SORCS2: variants seen among roughly 807,000 people sequenced by gnomAD.
SORCS2 encodes VPS10 domain-containing receptor SorCS2.
SORCS2 carries 100 observed loss-of-function variants against 141.6 expected under a neutral mutation model. The ratio of observed to expected loss-of-function variants is 0.71; its 90% CI spans 0.60 to 0.83. The LOEUF (loss-of-function observed/expected upper bound fraction) is 0.83. Ranked by LOEUF, SORCS2 falls within the 40% of genes least tolerant of loss-of-function variation. SORCS2 has a pLI of 0.00. For missense variants in SORCS2, 1,646 were observed against 1,560.2 expected (o/e 1.05, Z -0.93); for synonymous variants, 789 against 676.9 (o/e 1.17, Z -2.57).
intron 2 of SORCS2, among the ~76,000 whole-genome samples, chr4:7,528,116 CGCTG>C (rs10548954): frequency 0.56 from 83,895 of 150,068 alleles, 23,976 homozygotes; most frequent in East Asian, 0.97. Flanking sequence ...ACAGTGTCCA[CGCTG>C]CCCATGGATT....
At chr4:7,717,948 A>C (rs888168919) in intron 17 of SORCS2, 64 bp from the exon 18 acceptor site, 11 of 1,473,200 alleles carry the variant, frequency 7.5e-6, no homozygotes, top group Non-Finnish European at 9.9e-6. Flanking sequence ...CCCTCCCCAG[A>C]CTATGGGGCC....
intron 2 of SORCS2, among the ~76,000 whole-genome samples, chr4:7,405,745 CTT>C (rs1482144834): frequency 6.6e-6 from 1 of 151,856 alleles, no homozygotes; most frequent in Non-Finnish European, 1.5e-5. Flanking sequence ...TTCATGGACT[CTT>C]TAGTTTTTCC....
intron 3 of SORCS2, among the ~76,000 whole-genome samples, chr4:7,561,067 G>T (rs555321977): frequency 6.6e-6 from 1 of 152,150 alleles, no homozygotes; most frequent in Non-Finnish European, 1.5e-5. Flanking sequence ...TGTGTCTTTC[G>T]ATGTCACCTC....
At chr4:7,305,534 G>T (rs541429234) in intron 1 of SORCS2, among the ~76,000 whole-genome samples, 18 of 152,304 alleles carry the variant, frequency 1.2e-4, no homozygotes, top group African/African-American at 4.3e-4. Context: ...AGCAGGTGGT[G>T]GACTAGGTTG....
rs760738452 is a variant in SORCS2, at chr4:7,269,100, G to A, written c.480+75974G>A. Among the ~76,000 whole-genome samples the A allele has an allele frequency of 3.1e-4, 47 of 152,098 alleles. 1 individual carries two copies. Among genetic ancestry groups the A allele is most frequent in the Non-Finnish European group, 1.2e-4 (8 of 68,012 alleles). On this transcript the variant is annotated intron_variant, in intron 1 of 26. Transcript: ENST00000507866. Reference sequence around the variant, plus strand: ...CACAGGCAGCCGATTCAGCATCAGCGTTGCAGGGCGTCACCTCTGCCAGGC... The same window carrying A: ...CACAGGCAGCCGATTCAGCATCAGCATTGCAGGGCGTCACCTCTGCCAGGC...
At chr4:7,566,925 T>A (rs1199936324) in intron 3 of SORCS2, among the ~76,000 whole-genome samples, 2 of 152,074 alleles carry the variant, frequency 1.3e-5, no homozygotes, top group African/African-American at 4.8e-5. Context: ...GCTAGTCACA[T>A]GGCCTGGCTT....
chr4:7,693,180 C>T (rs1362701608), intron 11 of SORCS2, among the ~76,000 whole-genome samples: 2 of 17,690 alleles, frequency 1.1e-4, no homozygotes, highest in Non-Finnish European at 2.5e-4. Flanking sequence ...CATCTTCACC[C>T]TTTCTTCCTC....
intron 1 of SORCS2, among the ~76,000 whole-genome samples, chr4:7,277,956 G>T (rs1406623829): frequency 6.6e-6 from 1 of 152,196 alleles, no homozygotes; most frequent in Non-Finnish European, 1.5e-5. Context: ...GTGTACAGGG[G>T]AGTGTCTGAG....
Position 7,737,144 on chromosome 4 carries a change from C to G in SORCS2, c.3387C>G (p.His1129Gln). 1 of 1,551,416 alleles carries G rather than the reference C, an allele frequency of 6.4e-7. No individual in the cohort carries two copies. The highest frequency in any genetic ancestry group is 2.4e-5 in the East Asian group (1 of 40,886). The change falls in exon 26 of 27, where the codon CAC (histidine) becomes CAG (glutamine). Residue 1129 changes from histidine (H) to glutamine (Q), a missense_variant. Physicochemically the swap from His to Gln is conservative, Grantham distance 24. Transcript: ENST00000507866. ...KEQEMTSPVS[H>Q]SEDVQGAVQG... ...AGGAGATGACCAGCCCTGTGAGTCA[C>G]AGTGAGGACGTCCAGGGCGCTGTCC...
chr4:7,374,187 C>CTTTCTTTCT (rs1346993769), intron 1 of SORCS2, among the ~76,000 whole-genome samples: 21 of 133,750 alleles, frequency 1.6e-4, no homozygotes, highest in African/African-American at 5.5e-4. Context: ...TTCTTTCTTT[C>CTTTCTTTCT]TTTCTTTCTT....
Position 7,192,663 on chromosome 4 carries a change from C to T in SORCS2, c.17C>T (p.Pro6Leu). Residue 6 changes from proline (P) to leucine (L), a missense_variant, in exon 1 of 27, where the codon CCC becomes CTC. Pro to Leu is a moderately conservative substitution (Grantham distance 98, BLOSUM62 -3). Coordinates refer to ENST00000507866, the MANE Select transcript of SORCS2 (RefSeq NM_020777.3). The surrounding 1 kb of genome is among the most constrained non-coding windows in gnomAD (Gnocchi z 4.0). Reference sequence around the variant, plus strand: ...CTGGCGACCATGGCGCACCGGGGGCCCTCGCGCGCCTCGAAGGGCCCCGGC... The same window carrying T: ...CTGGCGACCATGGCGCACCGGGGGCTCTCGCGCGCCTCGAAGGGCCCCGGC... The part of the protein sequence containing the change: MAHRG[P>L]SRASKGPGPT... The T allele has an allele frequency of 1.0e-6, 1 of 987,464 alleles. No individual in the cohort carries two copies. Among genetic ancestry groups the T allele is most frequent in the Non-Finnish European group, 1.2e-6 (1 of 832,584 alleles). 61.2% of individuals were successfully genotyped at this position (987,464 alleles called of 1,614,324 possible).
At chr4:7,252,631 C>G (rs1560141702) in intron 1 of SORCS2, among the ~76,000 whole-genome samples, 1 of 152,102 alleles carries the variant, frequency 6.6e-6, no homozygotes, top group Non-Finnish European at 1.5e-5. Flanking sequence ...TTCACAAGCC[C>G]TGAGTGACCG....
At chr4:7,463,929 G>A (rs1451451759) in intron 2 of SORCS2, among the ~76,000 whole-genome samples, 1 of 152,224 alleles carries the variant, frequency 6.6e-6, no homozygotes, top group Non-Finnish European at 1.5e-5. Flanking sequence ...AGGCACCCCT[G>A]AGTCCCCACA....
intron 3 of SORCS2, among the ~76,000 whole-genome samples, chr4:7,573,979 C>A (rs1285184323): frequency 6.6e-6 from 1 of 152,268 alleles, no homozygotes; most frequent in Non-Finnish European, 1.5e-5. Context: ...AAATCCTTGG[C>A]TCTTCCTGAA....
chr4:7,425,463 C>T (rs542453034), intron 2 of SORCS2, among the ~76,000 whole-genome samples: 205 of 152,224 alleles, frequency 1.3e-3, no homozygotes, highest in Non-Finnish European at 2.1e-3. Context: ...TTGGGAGTGG[C>T]GAGACGTTCC....
At chr4:7,373,458 T>TTATATATATATATATATATATA (rs1553850461) in intron 1 of SORCS2, among the ~76,000 whole-genome samples, 8 of 82,834 alleles carry the variant, frequency 9.7e-5, no homozygotes, top group Non-Finnish European at 1.4e-4. Context: ...TGAGAAACTT[T>TTATATATATATATATATATATA]TATATATATA....
chr4:7,364,533 C>T lies in SORCS2; in HGVS notation c.481-31755C>T, dbSNP rs572328524. The stretch of plus-strand genomic sequence containing the variant: ...GTGTACTCCTGAAGGAGGCCTGTTT[C>T]TGGGCAGTCTCCTCCTTCCTTGGGG... On this transcript the variant is annotated intron_variant, in intron 1 of 26. Transcript: ENST00000507866. 3.3e-5 allele frequency among the ~76,000 whole-genome samples: 5 copies of T among 152,228 alleles called. No individual in the cohort carries two copies. The South Asian group carries it at 1.0e-3, about 32-fold the overall frequency.
At chr4:7,221,163 C>T (rs1728681380) in intron 1 of SORCS2, among the ~76,000 whole-genome samples, 1 of 152,152 alleles carries the variant, frequency 6.6e-6, no homozygotes, top group Non-Finnish European at 1.5e-5. Flanking sequence ...TCCCCAGGTT[C>T]TTGTGGGCAA....
chr4:7,509,821 G>C (rs367744398), intron 2 of SORCS2, among the ~76,000 whole-genome samples: 6 of 152,222 alleles, frequency 3.9e-5, no homozygotes, highest in African/African-American at 1.4e-4. Flanking sequence ...ATAGGCTCTG[G>C]CTCCTGTCTC....
Sources: gnomAD v4.1 joint callset for allele counts (sites outside exome capture counted in the v4.1 genomes callset) on GRCh38, gnomAD v4.1.1 for gene constraint, Gnocchi (gnomAD v3.1) non-coding constraint, MANE v1.5 for transcripts, NCBI Gene and HGNC (gene_info 2026-07-23, HGNC 2026-07-21) for gene names.